IGFL2: variants seen among roughly 807,000 people sequenced by gnomAD.
IGFL2 encodes insulin growth factor-like family member 2.
A neutral mutation model predicts 13.9 loss-of-function variants in IGFL2; 7 were observed. The ratio of observed to expected loss-of-function variants is 0.51; its 90% CI spans 0.29 to 0.95. IGFL2 has a LOEUF of 0.95. Among genes scored for constraint, IGFL2 ranks in the 40% least tolerant of loss-of-function variants. The pLI is 0.08. For synonymous variants in IGFL2, 55 were observed against 55.8 expected (o/e 0.99, Z 0.07); for missense variants, 138 against 147.8 (o/e 0.93, Z 0.34).
At chr19:46,206,286 G>T in the IGFL2 span, among the ~76,000 whole-genome samples, 1 of 152,208 alleles carries the variant, frequency 6.6e-6, no homozygotes, top group Non-Finnish European at 1.5e-5. Flanking sequence ...AGGAGGGCCA[G>T]CTGGGCTCCT....
the IGFL2 span, among the ~76,000 whole-genome samples, chr19:46,116,766 A>G: frequency 6.6e-6 from 1 of 152,178 alleles, no homozygotes; most frequent in South Asian, 2.1e-4. Context: ...AGTTCTGGGA[A>G]AGTCATACCA....
the IGFL2 span, among the ~76,000 whole-genome samples, chr19:46,116,447 A>G: frequency 6.6e-6 from 1 of 152,264 alleles, no homozygotes; most frequent in African/African-American, 2.4e-5. Context: ...TCTAGCAAAT[A>G]AGAACAATGT....
the IGFL2 span, among the ~76,000 whole-genome samples, chr19:46,133,039 A>G: frequency 1.3e-3 from 194 of 152,232 alleles, 1 homozygote; most frequent in African/African-American, 4.4e-3. Flanking sequence ...TGCAGGAGGG[A>G]TGGGGGAGGC....
chr19:46,178,876 A>C, the IGFL2 span, among the ~76,000 whole-genome samples: 2 of 151,856 alleles, frequency 1.3e-5, no homozygotes, highest in Admixed American at 1.3e-4. Context: ...AACCTGACCA[A>C]CTCAGGCACA....
chr19:46,177,485 C>T, the IGFL2 span, among the ~76,000 whole-genome samples: 18 of 151,804 alleles, frequency 1.2e-4, no homozygotes, highest in Admixed American at 4.6e-4. Flanking sequence ...TATATATATA[C>T]GCATTATATA....
At chr19:46,127,131 A>G in the IGFL2 span, among the ~76,000 whole-genome samples, 2 of 152,150 alleles carry the variant, frequency 1.3e-5, no homozygotes, top group Non-Finnish European at 2.9e-5. Context: ...GACACCTGTA[A>G]TCCTGGCACT....
the IGFL2 span, among the ~76,000 whole-genome samples, chr19:46,211,857 G>A: frequency 6.6e-6 from 1 of 151,594 alleles, no homozygotes; most frequent in Admixed American, 6.6e-5. Context: ...TTGGTTCCTG[G>A]AATGTGAAAC....
upstream of IGFL2, among the ~76,000 whole-genome samples, chr19:46,140,303 T>C (rs1319478860): frequency 6.6e-6 from 1 of 152,048 alleles, no homozygotes; most frequent in African/African-American, 2.4e-5. Context: ...TTTTCAAGTC[T>C]ACATAGAACA....
chr19:46,115,362 C>A, the IGFL2 span, among the ~76,000 whole-genome samples: 1 of 152,072 alleles, frequency 6.6e-6, no homozygotes, highest in Non-Finnish European at 1.5e-5. Flanking sequence ...ATGTGAATAA[C>A]CCCCAAAATA....
At chr19:46,115,139 A>G in the IGFL2 span, among the ~76,000 whole-genome samples, 7 of 152,202 alleles carry the variant, frequency 4.6e-5, no homozygotes, top group South Asian at 4.1e-4. Flanking sequence ...TCGTATCACA[A>G]CTATGTTATG....
the IGFL2 span, among the ~76,000 whole-genome samples, chr19:46,103,066 C>T: frequency 6.6e-6 from 1 of 152,060 alleles, no homozygotes; most frequent in Admixed American, 6.6e-5. Context: ...AGGAGAAAAA[C>T]AGATATTAAA....
chr19:46,160,513 T>C (rs1378288596), intron 2 of IGFL2, 45 bp downstream of exon 2: 2 of 1,612,954 alleles, frequency 1.2e-6, no homozygotes, highest in Admixed American at 1.7e-5. Context: ...GAGGCTGACT[T>C]TGGAAAGTGG....
At chr19:46,178,653 C>A in the IGFL2 span, among the ~76,000 whole-genome samples, 1 of 152,264 alleles carries the variant, frequency 6.6e-6, no homozygotes, top group East Asian at 1.9e-4. Flanking sequence ...CACAACTTCC[C>A]TTATCTGAAC....
chr19:46,166,770 C>T, the IGFL2 span, among the ~76,000 whole-genome samples: 2 of 152,180 alleles, frequency 1.3e-5, no homozygotes, highest in Admixed American at 1.3e-4. Flanking sequence ...AGCGATATTT[C>T]TCCCATTTGC....
At chr19:46,155,019 A>G (rs1051298639) in intron 1 of IGFL2, among the ~76,000 whole-genome samples, 1 of 152,042 alleles carries the variant, frequency 6.6e-6, no homozygotes, top group Admixed American at 6.6e-5. Context: ...CTCTACAGCT[A>G]GAACACTGGG....
At chr19:46,157,875 A>G (rs567070744) in intron 1 of IGFL2, among the ~76,000 whole-genome samples, 1 of 152,332 alleles carries the variant, frequency 6.6e-6, no homozygotes, top group African/African-American at 2.4e-5. Flanking sequence ...ACAACTGTCT[A>G]TGTAAACAGT....
chr19:46,119,615 T>C, the IGFL2 span, among the ~76,000 whole-genome samples: 1 of 150,940 alleles, frequency 6.6e-6, no homozygotes, highest in Non-Finnish European at 1.5e-5. Flanking sequence ...CTAATAGCTG[T>C]AGCTTAAGCC....
the IGFL2 span, among the ~76,000 whole-genome samples, chr19:46,171,772 C>T: frequency 6.6e-6 from 1 of 152,194 alleles, no homozygotes; most frequent in South Asian, 2.1e-4. Context: ...GTATGAAGCT[C>T]ACCCTGTTGA....
chr19:46,175,268 A>G, the IGFL2 span, among the ~76,000 whole-genome samples: 1 of 152,156 alleles, frequency 6.6e-6, no homozygotes, highest in Non-Finnish European at 1.5e-5. Context: ...TCCTATTTCA[A>G]ACTTACAGAT....
Sources: allele counts gnomAD v4.1 joint callset (sites outside exome capture counted in the v4.1 genomes callset), GRCh38; gene constraint gnomAD v4.1.1; transcripts MANE v1.5; gene names NCBI Gene and HGNC (gene_info 2026-07-23, HGNC 2026-07-21).